Variants in CMSS1 observed in about 807,000 individuals in gnomAD.
The protein encoded by CMSS1 is cms1 ribosomal small subunit homolog.
A neutral mutation model predicts 43.5 loss-of-function variants in CMSS1; 33 were observed. The observed-to-expected ratio is 0.76, with a 90% confidence interval of 0.57 to 1.01. The LOEUF (loss-of-function observed/expected upper bound fraction) is 1.01, where lower values mean the gene tolerates loss of function less well. CMSS1 is among the 50% of genes least tolerant of loss of function. The probability of loss-of-function intolerance (pLI) is 0.00; values close to 1 mark genes in which losing one functional copy is unlikely to be tolerated. For synonymous variants in CMSS1, 115 were observed against 117.2 expected, an observed-to-expected ratio of 0.98 and a Z score of 0.12; for missense variants, 313 against 326.4, an observed-to-expected ratio of 0.96 and a Z score of 0.32.
chr3:99,915,102 T>C (rs1267386814), intron 1 of CMSS1, among the ~76,000 whole-genome samples: 1 of 152,194 alleles, frequency 6.6e-6, no homozygotes, highest in Non-Finnish European at 1.5e-5. Context: ...AATTCTGCCT[T>C]CTTGGGGATA....
chr3:99,993,816 G>C (rs912199112), intron 1 of CMSS1, among the ~76,000 whole-genome samples: 1 of 152,088 alleles, frequency 6.6e-6, no homozygotes, highest in Non-Finnish European at 1.5e-5. Context: ...GCATCCCTGG[G>C]ATAAATCGTA....
intron 1 of CMSS1, among the ~76,000 whole-genome samples, chr3:99,924,675 T>G (rs1003819539): frequency 1.3e-5 from 2 of 152,074 alleles, no homozygotes; most frequent in Admixed American, 1.3e-4. Context: ...TGCGCCACCA[T>G]GCCCAACTAA....
chr3:99,995,905 G>A (rs538784065), intron 1 of CMSS1, among the ~76,000 whole-genome samples: 2 of 152,304 alleles, frequency 1.3e-5, no homozygotes, highest in South Asian at 2.1e-4. Flanking sequence ...TTTTCTCGTA[G>A]GCCTCTGGGC....
intron 1 of CMSS1, chr3:99,874,234 T>C (rs1281902281): frequency 6.6e-6 from 1 of 152,228 alleles, no homozygotes. Flanking sequence ...ATGGAAGTTA[T>C]GATTTTCAAC....
At chr3:100,054,593 T>G (rs1319709798) in intron 1 of CMSS1, among the ~76,000 whole-genome samples, 1 of 152,116 alleles carries the variant, frequency 6.6e-6, no homozygotes, top group Non-Finnish European at 1.5e-5. Flanking sequence ...AACTATCCAC[T>G]CCTGGCCCAG....
intron 1 of CMSS1, among the ~76,000 whole-genome samples, chr3:99,902,650 TA>T (rs1359527861): frequency 6.6e-6 from 1 of 152,158 alleles, no homozygotes; most frequent in Middle Eastern, 3.2e-3. Context: ...CCAAAAAGAT[TA>T]ACAAGTCAAC....
intron 2 of CMSS1, among the ~76,000 whole-genome samples, chr3:100,148,454 C>A (rs2066873555): frequency 6.6e-6 from 1 of 152,128 alleles, no homozygotes; most frequent in Non-Finnish European, 1.5e-5. Flanking sequence ...AATTTGGGGT[C>A]TTATTCTTAT....
intron 1 of CMSS1, among the ~76,000 whole-genome samples, chr3:100,082,946 A>G (rs1372467607): frequency 6.6e-6 from 1 of 152,232 alleles, no homozygotes. Flanking sequence ...TGAAAAAAGA[A>G]CAAATTGAGA....
intron 1 of CMSS1, among the ~76,000 whole-genome samples, chr3:99,954,415 A>G (rs1708262481): frequency 6.6e-6 from 1 of 152,252 alleles, no homozygotes. Context: ...TAACACAAAC[A>G]AGGGACATTA....
In CMSS1 at chr3:99,858,616, T is replaced by C. The variant is rs557633595; in HGVS notation, c.64+40573T>C. Among the ~76,000 whole-genome samples, 6 of 152,362 alleles carry C rather than the reference T, an allele frequency of 3.9e-5. No individual in the cohort carries two copies. The South Asian group carries it at 6.2e-4, about 16-fold the overall frequency. On this transcript the variant is annotated intron_variant, in intron 1 of 9. Transcript: ENST00000421999. ...GTTTTACATTTCTGCAACTAATGTC[T>C]GGCTTAATTGAAGACAGCTGTATCC...
intron 2 of CMSS1, 149 bp from the exon 3 acceptor site, chr3:100,160,281 G>A: frequency 1.7e-6 from 1 of 603,902 alleles, no homozygotes; most frequent in South Asian, 1.8e-5. Flanking sequence ...GTAACCTACG[G>A]TAGATCTTCC....
At chr3:99,896,699 AT>A (rs1443226366) in intron 1 of CMSS1, among the ~76,000 whole-genome samples, 1 of 152,170 alleles carries the variant, frequency 6.6e-6, no homozygotes, top group Non-Finnish European at 1.5e-5. Context: ...GATAGTGTTG[AT>A]TCATTTGTTG....
intron 1 of CMSS1, among the ~76,000 whole-genome samples, chr3:100,005,667 G>A (rs1709966581): frequency 6.6e-6 from 1 of 152,162 alleles, no homozygotes; most frequent in Non-Finnish European, 1.5e-5. Context: ...AAATTTATAA[G>A]CCTCTTTGAA....
intron 1 of CMSS1, chr3:99,849,198 C>T (rs760744874): frequency 1.1e-5 from 18 of 1,614,046 alleles, no homozygotes; most frequent in Non-Finnish European, 1.5e-5. Context: ...CCTCATATAA[C>T]TGACCATTGA....
intron 1 of CMSS1, among the ~76,000 whole-genome samples, chr3:99,877,814 C>A (rs1705585866): frequency 6.6e-6 from 1 of 152,160 alleles, no homozygotes; most frequent in Admixed American, 6.6e-5. Flanking sequence ...TTGTATGATG[C>A]ATAAACACCT....
At chr3:100,037,054 G>A (rs1460482179) in intron 1 of CMSS1, among the ~76,000 whole-genome samples, 3 of 152,130 alleles carry the variant, frequency 2.0e-5, no homozygotes, top group Non-Finnish European at 2.9e-5. Flanking sequence ...CTAAATGTGT[G>A]GGTTCTTTCA....
intron 4 of CMSS1, among the ~76,000 whole-genome samples, 193 bp from the exon 5 acceptor site, chr3:100,166,142 C>T (rs751687292): frequency 3.9e-5 from 6 of 152,144 alleles, no homozygotes; most frequent in Non-Finnish European, 5.9e-5. Flanking sequence ...TGGGCAGCTC[C>T]GTGACAGGTT....
chr3:99,971,673 G>A (rs1383012967), intron 1 of CMSS1, among the ~76,000 whole-genome samples: 1 of 152,194 alleles, frequency 6.6e-6, no homozygotes, highest in African/African-American at 2.4e-5. Context: ...CTTTAGACCT[G>A]CTTTCATCAG....
chr3:100,161,435 T>G (rs2067022490), intron 3 of CMSS1, among the ~76,000 whole-genome samples: 1 of 152,228 alleles, frequency 6.6e-6, no homozygotes, highest in South Asian at 2.1e-4. Context: ...CTAGATAGTT[T>G]AGTCTTGACT....
Sources: allele counts gnomAD v4.1 joint callset (sites outside exome capture counted in the v4.1 genomes callset), GRCh38; gene constraint gnomAD v4.1.1; transcripts MANE v1.5; gene names NCBI Gene and HGNC (gene_info 2026-07-23, HGNC 2026-07-21).